Variants in SRD5A2 observed in about 807,000 individuals in gnomAD.
The protein encoded by SRD5A2 is 3-oxo-5-alpha-steroid 4-dehydrogenase 2.
In SRD5A2, 30 loss-of-function variants were observed where a neutral mutation model predicts 27.4. That is an observed-to-expected ratio of 1.10 (90% CI 0.82 to 1.49). SRD5A2 has a LOEUF of 1.49. Ranked by LOEUF, SRD5A2 falls within the 40% of genes most tolerant of loss-of-function variation. The pLI, the probability that SRD5A2 is intolerant of heterozygous loss-of-function variation, is 0.00. For synonymous variants in SRD5A2, 141 were observed against 133.6 expected (o/e 1.06, Z -0.38); for missense variants, 348 against 323.4 (o/e 1.08, Z -0.58).
At chr2:31,542,584 A>G (rs1461234118) in intron 1 of SRD5A2, among the ~76,000 whole-genome samples, 2 of 152,196 alleles carry the variant, frequency 1.3e-5, no homozygotes, top group Admixed American at 6.5e-5. Flanking sequence ...CAAAATGACA[A>G]TACAAATAAA....
At chr2:31,583,769 A>G (rs1667128547), upstream of SRD5A2, among the ~76,000 whole-genome samples, 1 of 152,038 alleles carries the variant, frequency 6.6e-6, no homozygotes, top group Non-Finnish European at 1.5e-5. Context: ...CTTTTTAATC[A>G]ATGTGGTAAC....
the SRD5A2 span, among the ~76,000 whole-genome samples, chr2:31,662,453 G>A: frequency 1.3e-5 from 2 of 151,966 alleles, no homozygotes; most frequent in Non-Finnish European, 2.9e-5. Flanking sequence ...TGACTAGCCG[G>A]GACTACAGGT....
chr2:31,624,445 T>C, the SRD5A2 span, among the ~76,000 whole-genome samples: 1 of 152,122 alleles, frequency 6.6e-6, no homozygotes, highest in African/African-American at 2.4e-5. Context: ...ACATGTGCCA[T>C]GTTGGTGTGC....
At chr2:31,637,176 T>C in the SRD5A2 span, among the ~76,000 whole-genome samples, 1 of 152,106 alleles carries the variant, frequency 6.6e-6, no homozygotes, top group Admixed American at 6.6e-5. Context: ...TGAGGTTTTC[T>C]ATTTCATCAT....
At chr2:31,592,479 C>A in the SRD5A2 span, among the ~76,000 whole-genome samples, 2 of 152,238 alleles carry the variant, frequency 1.3e-5, no homozygotes, top group Admixed American at 1.3e-4. Flanking sequence ...CCAGAGCAGA[C>A]ACTGGCATTC....
At chr2:31,661,354 C>G in the SRD5A2 span, among the ~76,000 whole-genome samples, 4 of 152,106 alleles carry the variant, frequency 2.6e-5, no homozygotes, top group Non-Finnish European at 4.4e-5. Flanking sequence ...TCCACAAGAA[C>G]TCAGTAGCAA....
Position 31,580,628 on chromosome 2 carries a change from G to C in SRD5A2, c.273C>G (p.Tyr91Ter). ...CAAGGGAAAAACGCTACCTGTGGAA[G>C]TAATGTAGGCAGAAGAGGCCCAGAA... is the stretch of plus-strand genomic sequence containing the variant. ...TVLLGLFCLHYFHRTFVYSLL... is the reference protein window; with the variant it reads ...TVLLGLFCLH Residue 91 changes from tyrosine (Y) to a stop codon, truncating the protein, a stop_gained, in exon 1 of 5, where the codon TAC becomes TAG. Coordinates refer to ENST00000622030, the MANE Select transcript of SRD5A2 (RefSeq NM_000348.4). LOFTEE classifies it high-confidence loss of function. 6 of 1,565,382 alleles carry C rather than the reference G, an allele frequency of 3.8e-6. No individual in the cohort carries two copies. The highest frequency in any genetic ancestry group is 5.2e-6 in the Non-Finnish European group (6 of 1,161,288).
At chr2:31,569,499 A>C (rs1018288569) in intron 1 of SRD5A2, among the ~76,000 whole-genome samples, 2 of 152,188 alleles carry the variant, frequency 1.3e-5, no homozygotes, top group Non-Finnish European at 2.9e-5. Flanking sequence ...AATCACTAAT[A>C]ATGAGCATCC....
the SRD5A2 span, among the ~76,000 whole-genome samples, chr2:31,629,612 A>G: frequency 6.6e-6 from 1 of 152,100 alleles, no homozygotes; most frequent in African/African-American, 2.4e-5. Context: ...GCCTAGAACC[A>G]GCTTCCACTT....
chr2:31,590,729 T>A, the SRD5A2 span, among the ~76,000 whole-genome samples: 2 of 152,062 alleles, frequency 1.3e-5, no homozygotes, highest in African/African-American at 4.8e-5. Flanking sequence ...TACCAAAACA[T>A]ACTTATAGAC....
chr2:31,563,971 G>C (rs757752429), intron 1 of SRD5A2, among the ~76,000 whole-genome samples: 1 of 151,978 alleles, frequency 6.6e-6, no homozygotes, highest in Non-Finnish European at 1.5e-5. Flanking sequence ...CCAGAACAAA[G>C]CTCAAGAATA....
the SRD5A2 span, among the ~76,000 whole-genome samples, chr2:31,644,026 G>T: frequency 6.6e-6 from 1 of 152,138 alleles, no homozygotes; most frequent in Admixed American, 6.5e-5. Context: ...AATCATAGGG[G>T]AAGATAGTAA....
intron 1 of SRD5A2, among the ~76,000 whole-genome samples, chr2:31,551,494 T>A (rs528046225): frequency 5.2e-4 from 79 of 152,298 alleles, no homozygotes; most frequent in African/African-American, 1.9e-3. Flanking sequence ...CTCAGAACAC[T>A]TACATTAACC....
At chr2:31,561,489 C>T (rs1666622859) in intron 1 of SRD5A2, among the ~76,000 whole-genome samples, 1 of 152,142 alleles carries the variant, frequency 6.6e-6, no homozygotes. Flanking sequence ...CTGGCAGATC[C>T]ATTTAAATCA....
In SRD5A2 at chr2:31,525,886, A is replaced by C. The variant is rs998568112; in HGVS notation, c.*310T>G. 1.6e-5 allele frequency: 5 copies of C among 311,396 alleles called. No homozygotes were observed. The highest frequency in any genetic ancestry group is 2.4e-5 in the Non-Finnish European group (4 of 166,830). The allele number at this position is 311,396 out of a possible 1,614,324, so 19.3% of individuals were successfully genotyped here. A position where few individuals can be genotyped will look rare whatever the true frequency, so the allele number is the denominator to read the frequency against. The stretch of plus-strand genomic sequence containing the variant: ...AGGGAGTGGGTATGAAGCCACATGT[A>C]CTTGGATTGCCCGGTGAAAGACATA... On this transcript the variant is annotated 3_prime_UTR_variant, in exon 5 of 5. Coordinates refer to ENST00000622030, the MANE Select transcript of SRD5A2 (RefSeq NM_000348.4).
upstream of SRD5A2, chr2:31,580,939 A>T (rs1354091989): frequency 6.4e-7 from 1 of 1,569,592 alleles, no homozygotes; most frequent in South Asian, 1.1e-5. Flanking sequence ...GCCCTCCCAG[A>T]AGAGAGCGCG....
the SRD5A2 span, among the ~76,000 whole-genome samples, chr2:31,623,010 T>C: frequency 6.6e-6 from 1 of 152,126 alleles, no homozygotes; most frequent in Non-Finnish European, 1.5e-5. Flanking sequence ...CAGCAACTTC[T>C]CATGTAGTTG....
At chr2:31,536,260 AC>A (rs1666025820) in intron 1 of SRD5A2, among the ~76,000 whole-genome samples, 1 of 152,248 alleles carries the variant, frequency 6.6e-6, no homozygotes, top group African/African-American at 2.4e-5. Flanking sequence ...GGGCAGGCTC[AC>A]TACTGTAACA....
At chr2:31,532,098 A>G (rs1435050558) in intron 2 of SRD5A2, among the ~76,000 whole-genome samples, 1 of 152,170 alleles carries the variant, frequency 6.6e-6, no homozygotes, top group Admixed American at 6.5e-5. Flanking sequence ...GAAGTGATGA[A>G]TAAGAGGACC....
Sources: gnomAD v4.1 joint callset for allele counts (sites outside exome capture counted in the v4.1 genomes callset) on GRCh38, gnomAD v4.1.1 for gene constraint, MANE v1.5 for transcripts, NCBI Gene and HGNC (gene_info 2026-07-23, HGNC 2026-07-21) for gene names.